Variants in PCM1 observed in about 807,000 individuals in gnomAD.
PCM1 encodes the protein pericentriolar material 1.
A neutral mutation model predicts 241.9 loss-of-function variants in PCM1; 157 were observed. The observed-to-expected ratio is 0.65, with a 90% CI of 0.57 to 0.74. PCM1 has a LOEUF of 0.74. Among genes scored for constraint, PCM1 ranks in the 30% least tolerant of loss-of-function variants. PCM1 has a pLI of 0.00. For missense variants in PCM1, 3,478 were observed against 2,360.1 expected, an observed-to-expected ratio of 1.47 and a Z score of -9.81; for synonymous variants, 1,085 against 784.9, an observed-to-expected ratio of 1.38 and a Z score of -6.39.
At chr8:17,955,327 TAAAC>T (rs959835818) in intron 9 of PCM1, 139 bp from the exon 10 acceptor site, 8 of 591,382 alleles carry the variant, frequency 1.4e-5, no homozygotes, top group African/African-American at 3.7e-5. Flanking sequence ...AGTAAGTTAA[TAAAC>T]AATTTTCTGA....
At chr8:17,939,042 A>G (rs374444912) in intron 5 of PCM1, 33 bp downstream of exon 5, 20 of 1,606,128 alleles carry the variant, frequency 1.2e-5, no homozygotes, top group Non-Finnish European at 1.7e-5. Context: ...CTCATTCTTT[A>G]CACAAACCTC....
At chr8:17,956,490 A>G (rs2068558203) in intron 10 of PCM1, 114 bp from the exon 11 acceptor site, 1 of 650,846 alleles carries the variant, frequency 1.5e-6, no homozygotes. Context: ...CACTAGGTGG[A>G]TATTCCATTA....
chr8:17,959,883 A>G (rs184177725), intron 13 of PCM1, 131 bp from the exon 14 acceptor site: 13 of 775,028 alleles, frequency 1.7e-5, no homozygotes, highest in Non-Finnish European at 2.3e-5. Flanking sequence ...GTACACATGT[A>G]TACAAACGTG....
At chr8:18,013,736 A>G in intron 34 of PCM1, 1 of 438,668 alleles carries the variant, frequency 2.3e-6, no homozygotes, top group Middle Eastern at 5.8e-4. Context: ...TGTTCGTTCC[A>G]GTTGTATTAT....
At chr8:18,001,003 G>A (rs779167914) in intron 29 of PCM1, among the ~76,000 whole-genome samples, 3 of 152,316 alleles carry the variant, frequency 2.0e-5, no homozygotes, top group Non-Finnish European at 4.4e-5. Context: ...TCCAGGCACA[G>A]CTGGAGATAG....
intron 6 of PCM1, chr8:17,940,151 A>T: frequency 6.6e-7 from 1 of 1,523,534 alleles, no homozygotes; most frequent in Non-Finnish European, 8.9e-7. Flanking sequence ...GAGGCTTCAG[A>T]TACCACGGTA....
chr8:17,988,275 T>C (rs1012717323), intron 26 of PCM1, among the ~76,000 whole-genome samples: 42 of 151,860 alleles, frequency 2.8e-4, no homozygotes, highest in African/African-American at 1.0e-3. Context: ...CAGGGACAAA[T>C]GTTTGATTTC....
intron 3 of PCM1, 53 bp downstream of exon 3, chr8:17,935,759 A>G (rs1465764635): frequency 1.6e-5 from 14 of 869,020 alleles, no homozygotes; most frequent in Non-Finnish European, 2.7e-5. Flanking sequence ...GTTAAAATGC[A>G]GTTTTCCCCC....
intron 30 of PCM1, 22 bp from the exon 31 acceptor site, chr8:18,009,522 AATT>A (rs1315846667): frequency 1.3e-6 from 2 of 1,489,334 alleles, no homozygotes; most frequent in African/African-American, 2.8e-5. Context: ...TGTCTTTAAA[AATT>A]ATTTGGTTTA....
chr8:17,959,058 C>T (rs1464079684), intron 13 of PCM1, among the ~76,000 whole-genome samples: 1 of 152,098 alleles, frequency 6.6e-6, no homozygotes, highest in Non-Finnish European at 1.5e-5. Context: ...TAATCCTATT[C>T]TTCTTCACTG....
chr8:17,940,251 T>C, intron 6 of PCM1: 1 of 664,342 alleles, frequency 1.5e-6, no homozygotes, highest in Admixed American at 2.5e-5. Context: ...CGTTCCTTAA[T>C]GAAAAGTGTA....
At chr8:17,945,284 C>G (rs1375064624) in intron 6 of PCM1, among the ~76,000 whole-genome samples, 1 of 152,104 alleles carries the variant, frequency 6.6e-6, no homozygotes, top group Non-Finnish European at 1.5e-5. Flanking sequence ...CAAGGTAACT[C>G]CCCTTATATA....
At chr8:17,997,600 T>C (rs1167270776) in intron 29 of PCM1, among the ~76,000 whole-genome samples, 3 of 152,212 alleles carry the variant, frequency 2.0e-5, no homozygotes, top group Non-Finnish European at 4.4e-5. Flanking sequence ...GCTAATTCTT[T>C]AGCTTGATCA....
chr8:17,926,059 A>G (rs2056830716), intron 2 of PCM1: 1 of 151,996 alleles, frequency 6.6e-6, no homozygotes. Flanking sequence ...AACTCAAGGG[A>G]AAGGTCACAT....
At chr8:17,950,921 C>T (rs2065787488) in intron 8 of PCM1, among the ~76,000 whole-genome samples, 197 bp downstream of exon 8, 3 of 152,222 alleles carry the variant, frequency 2.0e-5, no homozygotes, top group Admixed American at 6.5e-5. Flanking sequence ...CAGTCCAATG[C>T]TGGTGGCCTG....
intron 2 of PCM1, among the ~76,000 whole-genome samples, chr8:17,929,045 A>T (rs988660954): frequency 1.3e-5 from 2 of 152,148 alleles, no homozygotes; most frequent in Non-Finnish European, 2.9e-5. Flanking sequence ...ATTCCTTAAA[A>T]ATATTAGCTA....
Position 17,938,877 on chromosome 8 carries a change from C to T in PCM1, c.480C>T (p.Pro160=). 1 of 1,613,728 alleles carries T rather than the reference C, an allele frequency of 6.2e-7. No individual in the cohort carries two copies. The highest frequency in any genetic ancestry group is 8.5e-7 in the Non-Finnish European group (1 of 1,179,668). Residue 160 remains proline (P), a synonymous_variant, in exon 5 of 39, where the codon CCC becomes CCT. Coordinates refer to ENST00000325083, the MANE Select transcript of PCM1 (RefSeq NM_006197.4). The stretch of plus-strand genomic sequence containing the variant: ...AGAGCAAAGATGCATCTACAAACCC[C>T]CCAAACAGAGAAACGATTGGATCAG... ...TNKSKDASTN[P]PNRETIGSAQ...
At chr8:17,994,519 C>G (rs1380818531) in intron 29 of PCM1, among the ~76,000 whole-genome samples, 1 of 152,160 alleles carries the variant, frequency 6.6e-6, no homozygotes, top group Non-Finnish European at 1.5e-5. Context: ...CCCTTTAATA[C>G]ACTGATGTCT....
intron 29 of PCM1, among the ~76,000 whole-genome samples, chr8:17,998,207 T>G (rs985749203): frequency 1.3e-5 from 2 of 152,120 alleles, no homozygotes; most frequent in African/African-American, 4.8e-5. Flanking sequence ...TTTTGGTCCC[T>G]TTGTTGAGGT....
Sources: allele counts gnomAD v4.1 joint callset (sites outside exome capture counted in the v4.1 genomes callset), GRCh38; gene constraint gnomAD v4.1.1; transcripts MANE v1.5; gene names NCBI Gene and HGNC (gene_info 2026-07-23, HGNC 2026-07-21).